Variants in TNC observed in about 807,000 individuals in gnomAD.
TNC encodes the protein tenascin C.
In TNC, 109 loss-of-function variants were observed where a neutral mutation model predicts 202.4. The ratio of observed to expected loss-of-function variants is 0.54; its 90% CI spans 0.46 to 0.63. TNC has a LOEUF of 0.63. Among genes scored for constraint, TNC ranks in the 30% least tolerant of loss-of-function variants. The pLI is 0.00. For synonymous variants in TNC, 1,007 were observed against 1,089.7 expected (o/e 0.92, Z 1.50); for missense variants, 2,756 against 2,833.3 (o/e 0.97, Z 0.62).
chr9:115,059,458 A>G (rs1333902362), intron 14 of TNC, among the ~76,000 whole-genome samples: 1 of 152,192 alleles, frequency 6.6e-6, no homozygotes, highest in East Asian at 1.9e-4. Flanking sequence ...AAAATTCATC[A>G]TTCAAAAAAG....
At chr9:115,053,048 G>A in intron 15 of TNC, 1 of 686,034 alleles carries the variant, frequency 1.5e-6, no homozygotes, top group South Asian at 1.5e-5. Flanking sequence ...GAGAAAGAGA[G>A]AGACATTATT....
At position 115,090,980 on chromosome 9, in the gene TNC, A is replaced by G. The variant is rs1331534739; in HGVS notation, c.39T>C (p.Leu13=). 3.7e-6 allele frequency: 6 copies of G among 1,613,406 alleles called. No individual in the cohort carries two copies. The South Asian group carries it at 6.6e-5, about 18-fold the overall frequency. Residue 13 remains leucine (L), a synonymous_variant, in exon 2 of 28, where the codon CTT becomes CTC. Transcript: ENST00000350763. ...CTTCGGTAGCGAGGGCAAGGAAAGC[A>G]AGAAAGACACCTGCCAACAGCTGAG... ...AMTQLLAGVF[L]AFLALATEGG...
Position 115,067,814 on chromosome 9 carries a change from A to C in TNC, c.3215-2895T>G, listed in dbSNP as rs548672491. On this transcript the variant is annotated intron_variant, in intron 10 of 27. Coordinates refer to ENST00000350763, the MANE Select transcript of TNC (RefSeq NM_002160.4). Reference sequence around the variant, plus strand: ...TGATGGTGTTGGTACTTCTGCTAACACTTTTGGCTATTTCTCTACTATTTT... The same window carrying C: ...TGATGGTGTTGGTACTTCTGCTAACCCTTTTGGCTATTTCTCTACTATTTT... Among the ~76,000 whole-genome samples the C allele has an allele frequency of 4.7e-5, 7 of 150,264 alleles. No individual in the cohort carries two copies. In the East Asian group the frequency reaches 5.8e-4, roughly 13 times the overall value.
At chr9:115,111,399 C>CTCTTTTTTTTTTTTTTTTTTT (rs1174066886) in intron 1 of TNC, among the ~76,000 whole-genome samples, 3 of 71,360 alleles carry the variant, frequency 4.2e-5, no homozygotes, top group African/African-American at 1.8e-4. Context: ...CTCTCTCTCT[C>CTCTTTTTTTTTTTTTTTTTTT]TTTTTTTTTT....
rs1423991355 is a variant in TNC, at chr9:115,030,347, C to T, written c.5979G>A (p.Thr1993=). The T allele has an allele frequency of 1.9e-6, 3 of 1,613,902 alleles. No individual in the cohort carries two copies. The highest frequency in any genetic ancestry group is 2.5e-6 in the Non-Finnish European group (3 of 1,179,962). Residue 1993 remains threonine (T), a synonymous_variant, in exon 24 of 28, where the codon ACG becomes ACA. Coordinates refer to ENST00000350763, the MANE Select transcript of TNC (RefSeq NM_002160.4). ...GATAAATGGTGTAGAGGCCAGAGGT[C>T]GTGTCTCCATTCAGCATTGCTTGGG... ...DCSQAMLNGD[T]TSGLYTIYLN... is the part of the protein sequence containing the mutation.
chr9:115,098,685 A>G (rs1056207480), intron 1 of TNC, among the ~76,000 whole-genome samples: 1 of 152,200 alleles, frequency 6.6e-6, no homozygotes, highest in African/African-American at 2.4e-5. Flanking sequence ...GAGAATTCCT[A>G]TTGTTTAGAA....
chr9:115,038,482 A>G (rs975784495), intron 19 of TNC, 102 bp from the exon 20 acceptor site: 24 of 1,433,754 alleles, frequency 1.7e-5, no homozygotes, highest in Non-Finnish European at 2.0e-5. Flanking sequence ...ATGTTAGGAC[A>G]GTGTCAGCTG....
rs1027511330 is a variant in TNC, at chr9:115,100,546, A to T, written c.-136-9392T>A. Among the ~76,000 whole-genome samples, 18 of 152,348 alleles carry T rather than the reference A, an allele frequency of 1.2e-4. 1 individual carries two copies. The highest frequency in any genetic ancestry group is 3.8e-4 in the African/African-American group (16 of 41,584). On this transcript the variant is annotated intron_variant, in intron 1 of 27. Coordinates refer to ENST00000350763, the MANE Select transcript of TNC (RefSeq NM_002160.4). ...GTGGTGACTTTACTAATTAACTCCT[A>T]AAGCTGATATTAAAATCCAGAGATT...
intron 7 of TNC, among the ~76,000 whole-genome samples, chr9:115,077,221 A>T (rs1414435012): frequency 1.3e-5 from 2 of 151,352 alleles, no homozygotes; most frequent in Admixed American, 6.6e-5. Flanking sequence ...CGCCTGGCTA[A>T]TTTTTTTTGT....
chr9:115,100,315 T>G (rs1209459278), intron 1 of TNC, among the ~76,000 whole-genome samples: 1 of 152,188 alleles, frequency 6.6e-6, no homozygotes, highest in African/African-American at 2.4e-5. Context: ...AAACACTTCA[T>G]TCTAGTGCAT....
chr9:115,038,953 A>G (rs535692905), intron 19 of TNC, among the ~76,000 whole-genome samples: 1 of 151,944 alleles, frequency 6.6e-6, no homozygotes. Context: ...TCAGCCTCCC[A>G]AGTAGCTGGG....
Position 115,030,265 on chromosome 9 carries a change from C to A in TNC, c.6061G>T (p.Gly2021Cys). 6.2e-7 allele frequency: 1 copy of A among 1,611,176 alleles called. No homozygotes were observed. The highest frequency in any genetic ancestry group is 8.5e-7 in the Non-Finnish European group (1 of 1,177,696). ...EVFCDMTSDG[G>C]GWIVFLRRKN... The stretch of plus-strand genomic sequence containing the variant: ...CTGGTGGTACTCACAATCCATCCAC[C>A]CCCATCAGAGGTCATGTCACAGAAG... Residue 2021 changes from glycine (G) to cysteine (C), a missense_variant, in exon 24 of 28, where the codon GGT becomes TGT. Transcript: ENST00000350763.
chr9:115,111,399 C>CTCTTTTTTTTTTTTTTTTTTTT (rs1174066886), intron 1 of TNC, among the ~76,000 whole-genome samples: 1 of 71,344 alleles, frequency 1.4e-5, no homozygotes, highest in African/African-American at 6.0e-5. Flanking sequence ...CTCTCTCTCT[C>CTCTTTTTTTTTTTTTTTTTTTT]TTTTTTTTTT....
intron 4 of TNC, 28 bp downstream of exon 4, chr9:115,084,181 G>A (rs577466905): frequency 4.4e-6 from 7 of 1,605,608 alleles, no homozygotes; most frequent in Non-Finnish European, 6.0e-6. Flanking sequence ...ATCAGGTGAG[G>A]CTGCCCAAAA....
chr9:115,096,760 A>G (rs917407260), intron 1 of TNC, among the ~76,000 whole-genome samples: 16 of 152,174 alleles, frequency 1.1e-4, no homozygotes, highest in Non-Finnish European at 1.8e-4. Context: ...CCTCAATGCT[A>G]TTGTCCTTTG....
At chr9:115,040,352 C>T (rs1038038348) in intron 19 of TNC, among the ~76,000 whole-genome samples, 1 of 152,152 alleles carries the variant, frequency 6.6e-6, no homozygotes, top group Non-Finnish European at 1.5e-5. Context: ...GCCTGGAATG[C>T]AAGAGCCACC....
intron 13 of TNC, 132 bp from the exon 14 acceptor site, chr9:115,060,134 C>A: frequency 2.9e-6 from 3 of 1,049,788 alleles, no homozygotes; most frequent in Non-Finnish European, 2.7e-6. Context: ...GGTCTCTGAG[C>A]ATTTGCAATT....
At chr9:115,056,457 G>A (rs1233196769) in intron 15 of TNC, among the ~76,000 whole-genome samples, 1 of 152,190 alleles carries the variant, frequency 6.6e-6, no homozygotes, top group Non-Finnish European at 1.5e-5. Flanking sequence ...CAAATTTAAA[G>A]TGAGAGCAGT....
In TNC at chr9:115,026,591, C is replaced by A. The variant is rs747231510; in HGVS notation, c.6274G>T (p.Val2092Leu). Residue 2092 changes from valine to leucine, a missense_variant, in exon 26 of 28, where the codon GTG (valine) becomes TTG (leucine). Coordinates refer to ENST00000350763, the MANE Select transcript of TNC (RefSeq NM_002160.4). Reference protein sequence around the residue: ...TAFAVYDKFSVGDAKTRYKLK... With the variant: ...TAFAVYDKFSLGDAKTRYKLK... ...TTGTAGCGAGTCTTGGCATCTCCCA[C>A]GCTGAACTTGTCATAGACAGCAAAG... 3.1e-6 allele frequency: 5 copies of A among 1,613,958 alleles called. No homozygotes were observed. Among genetic ancestry groups the A allele is most frequent in the East Asian group, 2.2e-5 (1 of 44,858 alleles).
Sources: gnomAD v4.1 joint callset for allele counts (sites outside exome capture counted in the v4.1 genomes callset) on GRCh38, gnomAD v4.1.1 for gene constraint, MANE v1.5 for transcripts, NCBI Gene and HGNC (gene_info 2026-07-23, HGNC 2026-07-21) for gene names.